Variants in NLGN1 observed in about 807,000 individuals in gnomAD.
The protein encoded by NLGN1 is neuroligin-1.
NLGN1 carries 12 observed loss-of-function variants against 65.5 expected under a neutral mutation model. That is an observed-to-expected ratio of 0.18 (90% CI 0.12 to 0.30). NLGN1 has a LOEUF of 0.30. Among genes scored for constraint, NLGN1 ranks in the 10% least tolerant of loss-of-function variants. The pLI is 1.00. For synonymous variants in NLGN1, 350 were observed against 359.5 expected, an observed-to-expected ratio of 0.97 and a Z score of 0.30; for missense variants, 750 against 1,007.1, an observed-to-expected ratio of 0.74 and a Z score of 3.46.
At chr3:173,523,491 T>C (rs1735120359) in intron 2 of NLGN1, among the ~76,000 whole-genome samples, 1 of 151,720 alleles carries the variant, frequency 6.6e-6, no homozygotes, top group Admixed American at 6.6e-5. Flanking sequence ...AGTTTTCCGA[T>C]CACCATTTGT....
At chr3:173,646,362 C>T (rs1758276869) in intron 3 of NLGN1, among the ~76,000 whole-genome samples, 1 of 152,196 alleles carries the variant, frequency 6.6e-6, no homozygotes, top group Non-Finnish European at 1.5e-5. Context: ...TACACTACCC[C>T]ATGCCTCACG....
chr3:173,768,591 A>T (rs1779115117), intron 3 of NLGN1, among the ~76,000 whole-genome samples: 1 of 152,160 alleles, frequency 6.6e-6, no homozygotes, highest in African/African-American at 2.4e-5. Context: ...GCCATCTTTT[A>T]AAATTTTCCC....
chr3:173,452,060 T>A (rs247981), intron 2 of NLGN1, among the ~76,000 whole-genome samples: 118,321 of 152,166 alleles, frequency 0.78, 47,522 homozygotes, highest in East Asian at 0.97. Flanking sequence ...CACTGCACCC[T>A]CTGTCCTGCA....
At chr3:173,800,258 T>C (rs1715156381) in intron 3 of NLGN1, 1 of 826,784 alleles carries the variant, frequency 1.2e-6, no homozygotes, top group Non-Finnish European at 1.6e-6. Context: ...ATTGTCTTTT[T>C]TTTTTTTCCT....
At chr3:174,213,518 A>G (rs1238552199) in intron 4 of NLGN1, among the ~76,000 whole-genome samples, 1 of 152,236 alleles carries the variant, frequency 6.6e-6, no homozygotes, top group Non-Finnish European at 1.5e-5. Flanking sequence ...AATAAGAAGC[A>G]AAACTGTTTA....
intron 4 of NLGN1, among the ~76,000 whole-genome samples, chr3:174,035,608 T>C (rs1730958796): frequency 6.6e-6 from 1 of 152,288 alleles, no homozygotes; most frequent in Middle Eastern, 3.4e-3. Flanking sequence ...GCCTGCCAAG[T>C]TGAGGTTTGC....
chr3:174,019,824 T>C (rs1727370707), intron 4 of NLGN1, among the ~76,000 whole-genome samples: 1 of 152,094 alleles, frequency 6.6e-6, no homozygotes, highest in Admixed American at 6.6e-5. Flanking sequence ...AATGATTGAC[T>C]GTAACTGAAA....
chr3:173,523,694 C>T (rs1274034291), intron 2 of NLGN1, among the ~76,000 whole-genome samples: 1 of 151,500 alleles, frequency 6.6e-6, no homozygotes, highest in Non-Finnish European at 1.5e-5. Context: ...AATGTGATGC[C>T]TCCAGATTTT....
chr3:173,994,843 A>T (rs1254301222), intron 4 of NLGN1, among the ~76,000 whole-genome samples: 1 of 152,206 alleles, frequency 6.6e-6, no homozygotes, highest in Non-Finnish European at 1.5e-5. Flanking sequence ...GTAAGGCAAG[A>T]CCAACACCAA....
intron 4 of NLGN1, among the ~76,000 whole-genome samples, chr3:174,233,548 C>G (rs1741131905): frequency 6.6e-6 from 1 of 151,758 alleles, no homozygotes; most frequent in Admixed American, 6.6e-5. Context: ...AGGCAAACCT[C>G]TTGAACAGAC....
At chr3:174,049,928 G>A (rs770706535) in intron 4 of NLGN1, among the ~76,000 whole-genome samples, 17 of 152,050 alleles carry the variant, frequency 1.1e-4, no homozygotes, top group South Asian at 2.1e-4. Context: ...AGGATAATGC[G>A]TTTGGGAGTT....
intron 3 of NLGN1, among the ~76,000 whole-genome samples, chr3:173,795,856 A>AT (rs1713938091): frequency 6.6e-6 from 1 of 152,086 alleles, no homozygotes; most frequent in Non-Finnish European, 1.5e-5. Flanking sequence ...AAATTCTCTC[A>AT]TTTTGTAAAA....
chr3:174,281,033 A>G, exon 7 of NLGN1: 1 of 1,613,356 alleles, frequency 6.2e-7, no homozygotes, highest in Non-Finnish European at 8.5e-7. Context: ...TGTCCCTCCA[A>G]ATGAAGCACA....
intron 2 of NLGN1, among the ~76,000 whole-genome samples, chr3:173,466,408 G>C (rs967451526): frequency 3.9e-5 from 6 of 152,138 alleles, no homozygotes; most frequent in African/African-American, 1.4e-4. Context: ...GGAGTTCCTA[G>C]TTGTAAATAT....
At chr3:173,600,359 A>G (rs1385117970) in intron 2 of NLGN1, among the ~76,000 whole-genome samples, 1 of 152,058 alleles carries the variant, frequency 6.6e-6, no homozygotes, top group African/African-American at 2.4e-5. Flanking sequence ...CCATCAAGCC[A>G]GGGAGCTCTA....
chr3:173,778,754 A>AT (rs916090409), intron 3 of NLGN1, among the ~76,000 whole-genome samples: 4 of 151,676 alleles, frequency 2.6e-5, no homozygotes, highest in African/African-American at 4.8e-5. Context: ...CTGACAGTTG[A>AT]TTTTTTTTCA....
rs574655054 is a variant in NLGN1, at chr3:174,141,801, T to C, written c.647-133514T>C. ...AATTAATAAGGTCATTTCAGGTAAT[T>C]GTAAGTTATGAGAAAATAAAACAGG... On this transcript the variant is annotated intron_variant, in intron 4 of 6. Coordinates refer to ENST00000457714, the Ensembl canonical transcript of NLGN1. Among the ~76,000 whole-genome samples the C allele has an allele frequency of 1.6e-4, 25 of 152,296 alleles. No homozygotes were observed. The South Asian group carries it at 5.0e-3, about 30-fold the overall frequency.
intron 4 of NLGN1, among the ~76,000 whole-genome samples, chr3:174,118,029 C>T (rs1716912404): frequency 6.6e-6 from 1 of 152,104 alleles, no homozygotes; most frequent in Admixed American, 6.5e-5. Context: ...TTAATGAAGG[C>T]CATGTCATTA....
At chr3:174,214,606 A>G (rs1456129428) in intron 4 of NLGN1, among the ~76,000 whole-genome samples, 1 of 152,204 alleles carries the variant, frequency 6.6e-6, no homozygotes, top group African/African-American at 2.4e-5. Flanking sequence ...TAGTTTTTAG[A>G]AAGACTTCTG....
Sources: gnomAD v4.1 joint callset for allele counts (sites outside exome capture counted in the v4.1 genomes callset) on GRCh38, gnomAD v4.1.1 for gene constraint, MANE v1.5 for transcripts, NCBI Gene and HGNC (gene_info 2026-07-23, HGNC 2026-07-21) for gene names.